The following CREB3L2 variants were observed in gnomAD, a reference collection of about 807,000 sequenced individuals.
CREB3L2 encodes cAMP responsive element binding protein 3 like 2.
CREB3L2 carries 23 observed loss-of-function variants against 57.2 expected under a neutral mutation model. The ratio of observed to expected loss-of-function variants is 0.40; its 90% CI spans 0.29 to 0.57. The LOEUF (loss-of-function observed/expected upper bound fraction) is 0.57. Among genes scored for constraint, CREB3L2 ranks in the 20% least tolerant of loss-of-function variants. The pLI is 0.42. For missense variants in CREB3L2, 628 were observed against 634.7 expected (o/e 0.99, Z 0.11); for synonymous variants, 268 against 265.1 (o/e 1.01, Z -0.11).
intron 1 of CREB3L2, chr7:137,956,616 CG>C (rs1801217172): frequency 7.8e-7 from 1 of 1,288,898 alleles, no homozygotes; most frequent in Non-Finnish European, 1.0e-6. Context: ...ACAGCCATGC[CG>C]AATATTTCTC....
At chr7:137,928,423 C>A in intron 1 of CREB3L2, 57 bp from the exon 2 acceptor site, 1 of 1,357,616 alleles carries the variant, frequency 7.4e-7, no homozygotes, top group Non-Finnish European at 1.0e-6. Flanking sequence ...GTGACAGATA[C>A]CCTACGCACA....
intron 7 of CREB3L2, among the ~76,000 whole-genome samples, chr7:137,903,441 T>C (rs1341651823): frequency 6.6e-6 from 1 of 152,126 alleles, no homozygotes; most frequent in East Asian, 1.9e-4. Flanking sequence ...CCGCCTGATA[T>C]TACAGACTTT....
At chr7:137,994,757 C>T (rs1266554871) in intron 1 of CREB3L2, among the ~76,000 whole-genome samples, 1 of 152,140 alleles carries the variant, frequency 6.6e-6, no homozygotes, top group Non-Finnish European at 1.5e-5. Flanking sequence ...CCAGCCTAGG[C>T]AACATAAGGA....
At chr7:137,973,088 G>A (rs974890718) in intron 1 of CREB3L2, among the ~76,000 whole-genome samples, 4 of 151,290 alleles carry the variant, frequency 2.6e-5, no homozygotes, top group Non-Finnish European at 4.4e-5. Flanking sequence ...ATATCTAGTG[G>A]GTGCAGCGCA....
intron 1 of CREB3L2, among the ~76,000 whole-genome samples, chr7:137,972,734 T>TAGAGAG (rs1801537952): frequency 4.3e-5 from 1 of 23,436 alleles, no homozygotes; most frequent in African/African-American, 2.4e-4. Context: ...TATATATATA[T>TAGAGAG]ATAGAGAGAG....
At chr7:137,953,202 G>A (rs1801136984) in intron 1 of CREB3L2, 6 of 284,284 alleles carry the variant, frequency 2.1e-5, no homozygotes, top group South Asian at 2.0e-4. Flanking sequence ...TTATTTCCTG[G>A]GAAACAAGAG....
intron 1 of CREB3L2, among the ~76,000 whole-genome samples, chr7:137,928,712 C>T (rs566990177): frequency 6.5e-4 from 99 of 152,258 alleles, no homozygotes; most frequent in African/African-American, 2.2e-3. Context: ...AAGATCAGGC[C>T]GGGCTTCCTC....
chr7:137,905,714 C>T lies in CREB3L2; in HGVS notation c.903G>A (p.Lys301=), dbSNP rs143322667. 312 of 1,614,154 alleles carry T rather than the reference C, an allele frequency of 1.9e-4. No homozygotes were observed. The African/African-American group carries it at 3.7e-3, about 19-fold the overall frequency. ...TTGAAGAGCTCACCTTATTCTTGAT[C>T]TTCCTCCGAATTTTCTTCAGGGCCT... is the stretch of plus-strand genomic sequence containing the variant. The part of the protein sequence containing the change: ...EEKALKKIRR[K]IKNKISAQES... Residue 301 remains lysine, a synonymous_variant, in exon 6 of 12, where the codon AAG becomes AAA. Coordinates refer to ENST00000330387, the MANE Select transcript of CREB3L2 (RefSeq NM_194071.4).
intron 3 of CREB3L2, among the ~76,000 whole-genome samples, chr7:137,913,914 G>C (rs1161487287): frequency 6.6e-6 from 1 of 151,954 alleles, no homozygotes; most frequent in Non-Finnish European, 1.5e-5. Context: ...AATAAGGAGG[G>C]GCCAGGGGGT....
chr7:137,943,050 G>C (rs2117260470), intron 1 of CREB3L2, among the ~76,000 whole-genome samples: 1 of 152,266 alleles, frequency 6.6e-6, no homozygotes, highest in East Asian at 1.9e-4. Context: ...GCCTTGTTTG[G>C]AACCAAAACG....
intron 1 of CREB3L2, among the ~76,000 whole-genome samples, chr7:137,952,449 G>T (rs1197392203): frequency 6.6e-6 from 1 of 152,196 alleles, no homozygotes; most frequent in South Asian, 2.1e-4. Context: ...TCACCTTAGA[G>T]AAACAGTGTC....
intron 8 of CREB3L2, among the ~76,000 whole-genome samples, chr7:137,898,990 G>GGAAGGAAGGAA (rs1563243826): frequency 2.5e-4 from 30 of 122,132 alleles, no homozygotes; most frequent in African/African-American, 1.1e-3. Flanking sequence ...GAAGGAAGGA[G>GGAAGGAAGGAA]GGAGAAAGGA....
intron 1 of CREB3L2, among the ~76,000 whole-genome samples, chr7:137,974,406 C>A (rs916158539): frequency 2.0e-5 from 3 of 152,124 alleles, no homozygotes; most frequent in African/African-American, 7.2e-5. Context: ...CCAGGACCAA[C>A]CGGCATGTAC....
chr7:137,964,543 C>A (rs191580986), intron 1 of CREB3L2, among the ~76,000 whole-genome samples: 4 of 152,304 alleles, frequency 2.6e-5, no homozygotes, highest in Admixed American at 1.3e-4. Flanking sequence ...TCTAGAAAAA[C>A]CAGATCATTC....
At chr7:137,946,769 GTTATC>G (rs1800986859) in intron 1 of CREB3L2, among the ~76,000 whole-genome samples, 1 of 29,210 alleles carries the variant, frequency 3.4e-5, no homozygotes, top group Non-Finnish European at 7.4e-5. Context: ...ATATAGTTTA[GTTATC>G]TATATAGTTA....
rs1193453854 is a variant in CREB3L2 at position 137,946,818 on chromosome 7, CTA to C, written c.103-18454_103-18453del. ...GTTATATATAGTTATATATAGTTAT[CTA>C]TATAGTTATCTATATATAGTTATCT... On this transcript the variant is annotated intron_variant, in intron 1 of 11. Transcript: ENST00000330387. 4.3e-4 allele frequency among the ~76,000 whole-genome samples: 8 copies of C among 18,652 alleles called. 1 individual carries two copies. Among genetic ancestry groups the C allele is most frequent in the African/African-American group, 3.2e-3 (8 of 2,482 alleles). The allele number at this position is 18,652 out of a possible 152,430, so 12.2% of individuals were successfully genotyped here. A position where few individuals can be genotyped will look rare whatever the true frequency, so the allele number is the denominator to read the frequency against.
intron 1 of CREB3L2, among the ~76,000 whole-genome samples, chr7:137,946,044 G>A (rs1800967427): frequency 6.6e-6 from 1 of 152,082 alleles, no homozygotes; most frequent in African/African-American, 2.4e-5. Context: ...AAATCCCTCT[G>A]CTTTTATGCA....
chr7:137,928,998 T>A (rs1451502136), intron 1 of CREB3L2, among the ~76,000 whole-genome samples: 3 of 152,188 alleles, frequency 2.0e-5, no homozygotes, highest in Admixed American at 6.5e-5. Context: ...AAATAAGCAA[T>A]CCTCTGTTTC....
At chr7:137,987,587 A>C (rs114800348) in intron 1 of CREB3L2, among the ~76,000 whole-genome samples, 1,624 of 152,346 alleles carry the variant, frequency 0.011, 21 homozygotes, top group African/African-American at 0.036. Context: ...CAGGATGCTG[A>C]TGGTGGGACA....
Sources: allele counts gnomAD v4.1 joint callset (sites outside exome capture counted in the v4.1 genomes callset), GRCh38; gene constraint gnomAD v4.1.1; transcripts MANE v1.5; gene names NCBI Gene and HGNC (gene_info 2026-07-23, HGNC 2026-07-21).